The following DNAH14 variants were observed in gnomAD, a reference collection of about 807,000 sequenced individuals.
DNAH14 encodes the protein dynein axonemal heavy chain 14.
DNAH14 carries 478 observed loss-of-function variants against 520.9 expected under a neutral mutation model. The ratio of observed to expected loss-of-function variants is 0.92; its 90% confidence interval spans 0.85 to 0.99. The LOEUF is 0.99. Among genes scored for constraint, DNAH14 ranks in the 50% least tolerant of loss-of-function variants. The probability of loss-of-function intolerance (pLI) is 0.00; values close to 1 mark genes in which losing one functional copy is unlikely to be tolerated. For synonymous variants in DNAH14, 1,581 were observed against 1,757.2 expected (o/e 0.90, Z 2.51); for missense variants, 4,831 against 5,234.5 (o/e 0.92, Z 2.38).
At chr1:224,997,646 A>G (rs2063483380) in intron 8 of DNAH14, among the ~76,000 whole-genome samples, 1 of 152,050 alleles carries the variant, frequency 6.6e-6, no homozygotes, top group South Asian at 2.1e-4. Context: ...TCTTCTTTAA[A>G]CATTTGGTAG....
chr1:225,075,110 CA>C (rs2072094171), intron 17 of DNAH14, among the ~76,000 whole-genome samples: 1 of 152,206 alleles, frequency 6.6e-6, no homozygotes. Context: ...CTCTGTGTGT[CA>C]GACTGAAGGC....
At chr1:225,001,077 T>G (rs1175383722) in intron 8 of DNAH14, among the ~76,000 whole-genome samples, 3 of 151,906 alleles carry the variant, frequency 2.0e-5, no homozygotes, top group African/African-American at 7.3e-5. Context: ...AGGCTGCCCC[T>G]TTCCTGGTCC....
rs142347491 is a variant in DNAH14 at position 224,981,210 on chromosome 1, G to A, written c.830+7057G>A. On this transcript the variant is annotated intron_variant, in intron 8 of 85. Coordinates refer to ENST00000682510, the MANE Select transcript of DNAH14 (RefSeq NM_001367479.1). ...AGCTAGTATATTGTTAAAGATTCTA[G>A]CATCTCTGTTCATCAAGGATATCAG... 9.2e-5 allele frequency among the ~76,000 whole-genome samples: 14 copies of A among 152,268 alleles called. No homozygotes were observed. In the East Asian group the frequency reaches 2.1e-3, roughly 23 times the overall value.
At position 225,367,961 on chromosome 1, in the gene DNAH14, A is replaced by G; in HGVS notation, c.12247A>G (p.Ile4083Val). The change falls in exon 77 of 86, where the codon ATC becomes GTC. Residue 4083 changes from isoleucine to valine, a missense_variant. Ile to Val is a conservative substitution (Grantham distance 29, BLOSUM62 3). Coordinates refer to ENST00000682510, the MANE Select transcript of DNAH14 (RefSeq NM_001367479.1). ...TAGCCTATGTTTTTTCAATGCTGTAATCAATGAAAGAAAAAATTACGGAAT... is the reference window on the plus strand; with the variant it reads ...TAGCCTATGTTTTTTCAATGCTGTAGTCAATGAAAGAAAAAATTACGGAAT... ...LFSLCFFNAV[I>V]NERKNYGILG... 1 of 1,551,542 alleles carries G rather than the reference A, an allele frequency of 6.4e-7. No individual in the cohort carries two copies.
At chr1:225,047,653 T>G (rs746680814) in intron 15 of DNAH14, among the ~76,000 whole-genome samples, 3 of 152,214 alleles carry the variant, frequency 2.0e-5, no homozygotes, top group Non-Finnish European at 2.9e-5. Context: ...CTGTCATTAA[T>G]TGCATTACTG....
chr1:224,979,499 G>A (rs2062107084), intron 8 of DNAH14, among the ~76,000 whole-genome samples: 1 of 152,204 alleles, frequency 6.6e-6, no homozygotes, highest in Non-Finnish European at 1.5e-5. Context: ...GTTCCAGCAA[G>A]CCTTGCCACT....
At chr1:225,250,752 C>A in intron 43 of DNAH14, 1 of 494,870 alleles carries the variant, frequency 2.0e-6, no homozygotes, top group South Asian at 3.6e-5. Flanking sequence ...ATGGGCAAAG[C>A]AGTGTAAATG....
intron 17 of DNAH14, among the ~76,000 whole-genome samples, chr1:225,055,781 T>C (rs924932415): frequency 6.6e-6 from 1 of 150,460 alleles, no homozygotes; most frequent in African/African-American, 2.4e-5. Flanking sequence ...TGAGAACATG[T>C]GGTGTTTGGT....
chr1:225,172,791 G>T (rs143519370), intron 36 of DNAH14, among the ~76,000 whole-genome samples: 3 of 152,060 alleles, frequency 2.0e-5, no homozygotes, highest in Non-Finnish European at 4.4e-5. Flanking sequence ...AAAAGAGCCC[G>T]CATTGCCAAG....
At chr1:225,335,959 A>G (rs1338778081) in intron 66 of DNAH14, among the ~76,000 whole-genome samples, 3 of 145,538 alleles carry the variant, frequency 2.1e-5, no homozygotes, top group Non-Finnish European at 3.0e-5. Context: ...ATATATACAC[A>G]TATACATATA....
At chr1:225,352,318 A>G (rs1226647411) in intron 72 of DNAH14, among the ~76,000 whole-genome samples, 1 of 152,076 alleles carries the variant, frequency 6.6e-6, no homozygotes, top group Admixed American at 6.6e-5. Flanking sequence ...GTTTTTCGCT[A>G]CTACCTTCAC....
intron 28 of DNAH14, among the ~76,000 whole-genome samples, chr1:225,143,269 G>T (rs2079612727): frequency 6.6e-6 from 1 of 151,894 alleles, no homozygotes; most frequent in African/African-American, 2.4e-5. Flanking sequence ...ACAAATACAG[G>T]TTCTTAGGAT....
In DNAH14 at chr1:225,322,657, A is replaced by G. The variant is rs1481198221; in HGVS notation, c.9336-7A>G. The G allele has an allele frequency of 1.3e-5, 20 of 1,509,264 alleles. No individual in the cohort carries two copies. The highest frequency in any genetic ancestry group is 2.5e-5 in the East Asian group (1 of 40,124). 93.5% of individuals were successfully genotyped at this position (1,509,264 alleles called of 1,614,324 possible). A position where few individuals can be genotyped will look rare whatever the true frequency, so the allele number is the denominator to read the frequency against. On this transcript the variant is annotated splice_polypyrimidine_tract_variant and splice_region_variant and intron_variant, in intron 61 of 85. Transcript: ENST00000682510. The stretch of plus-strand genomic sequence containing the variant: ...GAAGTTGATGAGATTTTCATCATCT[A>G]TTACAGAGTATACACACGGCCTCCC...
At chr1:225,336,023 A>G (rs1055439515) in intron 66 of DNAH14, among the ~76,000 whole-genome samples, 43 of 126,760 alleles carry the variant, frequency 3.4e-4, no homozygotes, top group Admixed American at 1.8e-3. Flanking sequence ...ATATATGCAT[A>G]TATGTATATA....
intron 41 of DNAH14, among the ~76,000 whole-genome samples, chr1:225,210,203 C>T (rs374136921): frequency 3.3e-5 from 5 of 152,150 alleles, no homozygotes; most frequent in South Asian, 4.2e-4. Context: ...CAGAAAGCCA[C>T]GTGGTCTAGT....
chr1:225,013,211 A>T (rs1357702631), intron 10 of DNAH14, among the ~76,000 whole-genome samples: 1 of 151,588 alleles, frequency 6.6e-6, no homozygotes, highest in African/African-American at 2.4e-5. Context: ...TTTTGCTTCT[A>T]CCAGTCAGGC....
At chr1:225,362,436 G>A (rs927697246) in intron 75 of DNAH14, among the ~76,000 whole-genome samples, 3 of 152,016 alleles carry the variant, frequency 2.0e-5, no homozygotes, top group South Asian at 2.1e-4. Flanking sequence ...TTAGCCGGGC[G>A]TGGTGGCACA....
intron 15 of DNAH14, among the ~76,000 whole-genome samples, chr1:225,049,748 G>A (rs182835284): frequency 3.4e-5 from 5 of 149,192 alleles, no homozygotes; most frequent in African/African-American, 1.2e-4. Flanking sequence ...GTTGAGGTTT[G>A]TTTATCTATC....
chr1:225,217,475 T>C (rs559220720), intron 41 of DNAH14, among the ~76,000 whole-genome samples: 10 of 152,154 alleles, frequency 6.6e-5, no homozygotes, highest in African/African-American at 1.9e-4. Flanking sequence ...GCTGCCTTTT[T>C]TTCAGCTATG....
Sources: gnomAD v4.1 joint callset for allele counts (sites outside exome capture counted in the v4.1 genomes callset) on GRCh38, gnomAD v4.1.1 for gene constraint, MANE v1.5 for transcripts, NCBI Gene and HGNC (gene_info 2026-07-23, HGNC 2026-07-21) for gene names.